Variants in ZZEF1 observed in about 807,000 individuals in gnomAD.
The protein encoded by ZZEF1 is zinc finger ZZ-type and EF-hand domain containing 1, also known as zinc finger ZZ-type and EF-hand domain-containing protein 1.
A neutral mutation model predicts 342.8 loss-of-function variants in ZZEF1; 157 were observed. That is an observed-to-expected ratio of 0.46 (90% CI 0.40 to 0.52). The LOEUF is 0.52. Ranked by LOEUF, ZZEF1 falls within the 20% of genes least tolerant of loss-of-function variation. The pLI is 0.00. For missense variants in ZZEF1, 3,480 were observed against 3,725.6 expected, an observed-to-expected ratio of 0.93 and a Z score of 1.72; for synonymous variants, 1,505 against 1,429.1, an observed-to-expected ratio of 1.05 and a Z score of -1.20.
intron 42 of ZZEF1, among the ~76,000 whole-genome samples, chr17:4,027,592 G>GC (rs1555579479): frequency 8.7e-6 from 1 of 115,472 alleles, no homozygotes; most frequent in Admixed American, 9.4e-5. Context: ...ACTGTGCCCT[G>GC]CCTTTTTTTT....
intron 1 of ZZEF1, among the ~76,000 whole-genome samples, chr17:4,131,019 T>G (rs1228166907): frequency 6.6e-6 from 1 of 152,096 alleles, no homozygotes; most frequent in African/African-American, 2.4e-5. Context: ...AACCCGGAAG[T>G]CATTACTCAG....
chr17:4,004,840 G>C lies in ZZEF1; in HGVS notation c.*2050C>G, dbSNP rs1021266889. ...GACAGAGGCGGCCGGGCCGAGCCGG[G>C]AGAGCAGCCGCGGGTGCGAGCGGAC... On this transcript the variant is annotated 3_prime_UTR_variant, in exon 55 of 55. Transcript: ENST00000381638. 6.6e-6 allele frequency: 1 copy of C among 152,286 alleles called. No homozygotes were observed. Among genetic ancestry groups the C allele is most frequent in the East Asian group, 1.9e-4 (1 of 5,198 alleles). The allele number at this position is 152,286 out of a possible 1,614,324, so 9.4% of individuals were successfully genotyped here. A position where few individuals can be genotyped will look rare whatever the true frequency, so the allele number is the denominator to read the frequency against.
intron 52 of ZZEF1, among the ~76,000 whole-genome samples, chr17:4,011,703 T>A (rs58063639): frequency 0.14 from 21,188 of 151,988 alleles, 1,917 homozygotes; most frequent in African/African-American, 0.25. Context: ...TGCTTTTTTT[T>A]AAAAAAAATT....
chr17:4,059,351 A>G lies in ZZEF1; in HGVS notation c.4884-61T>C, dbSNP rs181034560. 5.1e-6 allele frequency: 8 copies of G among 1,561,556 alleles called. No homozygotes were observed. The East Asian group carries it at 9.2e-5, about 18-fold the overall frequency. On this transcript the variant is annotated intron_variant, in intron 30 of 54. Coordinates refer to ENST00000381638, the MANE Select transcript of ZZEF1 (RefSeq NM_015113.4). ...CCAGAACATCTTTTTCTTAATAATA[A>G]TAATGATTTCTTACATGAAAAAGAG...
At chr17:4,021,057 A>G (rs1362080910) in intron 45 of ZZEF1, 72 bp downstream of exon 45, 1 of 1,486,014 alleles carries the variant, frequency 6.7e-7, no homozygotes, top group Non-Finnish European at 9.0e-7. Flanking sequence ...TTAGGCTAAA[A>G]CATGGCCCGG....
chr17:4,064,669 G>A lies in ZZEF1; in HGVS notation c.4410C>T (p.Phe1470=). ...QRTSSVVEEH[F]QASVSPTEAA... ...CTTCAGTGGGAGATACTGAGGCTTG[G>A]AAATGCTCTTCCACCACAGAGCTTG... Residue 1470 remains phenylalanine, a synonymous_variant, in exon 29 of 55, where the codon TTC becomes TTT. Transcript: ENST00000381638. The A allele has an allele frequency of 1.2e-6, 2 of 1,614,182 alleles. No individual in the cohort carries two copies. Among genetic ancestry groups the A allele is most frequent in the Admixed American group, 1.7e-5 (1 of 60,026 alleles).
At chr17:4,031,395 T>C (rs1010320065) in intron 42 of ZZEF1, among the ~76,000 whole-genome samples, 3 of 152,024 alleles carry the variant, frequency 2.0e-5, no homozygotes, top group African/African-American at 7.2e-5. Flanking sequence ...TAAGGACATA[T>C]AGATTAATGA....
chr17:4,042,178 C>T (rs2056816462), intron 39 of ZZEF1, among the ~76,000 whole-genome samples: 1 of 151,654 alleles, frequency 6.6e-6, no homozygotes, highest in South Asian at 2.1e-4. Flanking sequence ...TTTCTATGAG[C>T]TTAAAACTTT....
At chr17:4,059,434 AC>A in intron 30 of ZZEF1, 144 bp from the exon 31 acceptor site, 1 of 1,008,320 alleles carries the variant, frequency 9.9e-7, no homozygotes, top group Non-Finnish European at 1.4e-6. Flanking sequence ...CAAATATAAT[AC>A]CTATAGAAGG....
chr17:4,078,309 G>C (rs752799368), intron 18 of ZZEF1, among the ~76,000 whole-genome samples: 2 of 152,002 alleles, frequency 1.3e-5, no homozygotes, highest in Non-Finnish European at 2.9e-5. Context: ...ACCCCCCTGG[G>C]TATCTCTTCT....
Position 4,142,964 on chromosome 17 carries a change from T to TC in ZZEF1, c.-70dup. On this transcript the variant is annotated 5_prime_UTR_variant, in exon 1 of 55. Transcript: ENST00000381638. ...GCCTCCCCGCCTCGACCTGTCAACC[T>TC]CCGACAGCAGCTGGCGGGCGGGGAC... 1 of 1,276,044 alleles carries TC rather than the reference T, an allele frequency of 7.8e-7. No individual in the cohort carries two copies. The highest frequency in any genetic ancestry group is 9.9e-7 in the Non-Finnish European group (1 of 1,015,058). 79.0% of individuals were successfully genotyped at this position (1,276,044 alleles called of 1,614,324 possible).
At chr17:4,141,155 C>T (rs917577513) in intron 1 of ZZEF1, among the ~76,000 whole-genome samples, 2 of 152,194 alleles carry the variant, frequency 1.3e-5, no homozygotes, top group East Asian at 1.9e-4. Context: ...ATGATCCTCC[C>T]GCCTCAGCCT....
intron 52 of ZZEF1, among the ~76,000 whole-genome samples, chr17:4,010,730 A>AAAAAAAAAG (rs941156211): frequency 2.0e-5 from 3 of 150,782 alleles, no homozygotes; most frequent in Admixed American, 6.6e-5. Flanking sequence ...GTCTCAAAAA[A>AAAAAAAAAG]AAAAAGAAAA....
In ZZEF1 at chr17:4,025,056, G is replaced by A. The variant is rs1452422268; in HGVS notation, c.6955C>T (p.Leu2319=). 2 of 1,614,086 alleles carry A rather than the reference G, an allele frequency of 1.2e-6. No homozygotes were observed. Among genetic ancestry groups the A allele is most frequent in the Non-Finnish European group, 1.7e-6 (2 of 1,180,050 alleles). Residue 2319 remains leucine (L), a synonymous_variant, in exon 43 of 55, where the codon CTG becomes TTG. Coordinates refer to ENST00000381638, the MANE Select transcript of ZZEF1 (RefSeq NM_015113.4). ...GQECGDSRAQ[L]SQYSQHFAFI... Reference sequence around the variant, plus strand: ...GCAAAGTGCTGGGAGTACTGGCTCAGCTGGGCCCGAGAGTCACCACACTCT... The same window carrying A: ...GCAAAGTGCTGGGAGTACTGGCTCAACTGGGCCCGAGAGTCACCACACTCT...
In ZZEF1 at chr17:4,142,916, C is replaced by G; in HGVS notation, c.-21G>C. On this transcript the variant is annotated 5_prime_UTR_variant, in exon 1 of 55. Coordinates refer to ENST00000381638, the MANE Select transcript of ZZEF1 (RefSeq NM_015113.4). The stretch of plus-strand genomic sequence containing the variant: ...CCCATGGGGTCTCCGTCTTGGGCGC[C>G]TGGCTCTGCAGCCGCCGCCGCCGCC... 1 of 1,309,738 alleles carries G rather than the reference C, an allele frequency of 7.6e-7. No homozygotes were observed. 81.1% of individuals were successfully genotyped at this position (1,309,738 alleles called of 1,614,324 possible). A position where few individuals can be genotyped will look rare whatever the true frequency, so the allele number is the denominator to read the frequency against.
In ZZEF1 at chr17:4,034,014, C is replaced by G. The variant is rs746356034; in HGVS notation, c.6584+1G>C. 1 of 1,613,232 alleles carries G rather than the reference C, an allele frequency of 6.2e-7. No individual in the cohort carries two copies. Among genetic ancestry groups the G allele is most frequent in the South Asian group, 1.1e-5 (1 of 91,044 alleles). On this transcript the variant is annotated splice_donor_variant, in intron 40 of 54. Coordinates refer to ENST00000381638, the MANE Select transcript of ZZEF1 (RefSeq NM_015113.4). LOFTEE classifies it high-confidence loss of function. The stretch of plus-strand genomic sequence containing the variant: ...GTTAGAGGAGCGAGGACCAAGGCTA[C>G]CTGTCCAGACACACAGCTCCCAGGC...
At chr17:4,013,410 T>TA (rs1482711008) in intron 52 of ZZEF1, 39 bp downstream of exon 52, 3 of 1,539,546 alleles carry the variant, frequency 1.9e-6, no homozygotes, top group Non-Finnish European at 2.6e-6. Flanking sequence ...TGGGGATACA[T>TA]ATGCCTGGCA....
In ZZEF1 at chr17:4,009,450, G is replaced by A. The variant is rs1214498479; in HGVS notation, c.8733+154C>T. 7 of 1,051,236 alleles carry A rather than the reference G, an allele frequency of 6.7e-6. No homozygotes were observed. The East Asian group carries it at 7.4e-5, about 11-fold the overall frequency. The allele number at this position is 1,051,236 out of a possible 1,614,324, so 65.1% of individuals were successfully genotyped here. On this transcript the variant is annotated intron_variant, in intron 53 of 54. Transcript: ENST00000381638. ...AGGGTTTCCCAGGCCTGGGAGAGGC[G>A]AGAGCCTCAGACTCTCAGCCATGCC...
chr17:4,008,871 T>TG lies in ZZEF1; in HGVS notation c.8805+11dup. 3.9e-6 allele frequency: 6 copies of TG among 1,546,020 alleles called. No homozygotes were observed. Among genetic ancestry groups the TG allele is most frequent in the Non-Finnish European group, 4.4e-6 (5 of 1,148,084 alleles). On this transcript the variant is annotated intron_variant, in intron 54 of 54. Coordinates refer to ENST00000381638, the MANE Select transcript of ZZEF1 (RefSeq NM_015113.4). The surrounding 1 kb of genome is among the most constrained non-coding windows in gnomAD (Gnocchi z 4.2). ...AGCCTGGGGGCCAGCTCTGTTGGGG[T>TG]GGAGAGAGTACCTGTGCCGCACAGC...
Sources: gnomAD v4.1 joint callset for allele counts (sites outside exome capture counted in the v4.1 genomes callset) on GRCh38, gnomAD v4.1.1 for gene constraint, Gnocchi (gnomAD v3.1) non-coding constraint, MANE v1.5 for transcripts, NCBI Gene and HGNC (gene_info 2026-07-23, HGNC 2026-07-21) for gene names.